The following TNS1 variants were observed in gnomAD, a reference collection of about 807,000 sequenced individuals.
TNS1 encodes the protein tensin-1.
Under a neutral mutation model 168.6 loss-of-function variants are expected in TNS1, and 62 were observed. The observed-to-expected ratio is 0.37, with a 90% CI of 0.30 to 0.45. The LOEUF is 0.45. Ranked by LOEUF, TNS1 falls within the 20% of genes least tolerant of loss-of-function variation. TNS1 has a pLI of 1.00. For missense variants in TNS1, 2,240 were observed against 2,339.4 expected (o/e 0.96, Z 0.88); for synonymous variants, 934 against 933.2 (o/e 1.00, Z -0.02).
At chr2:217,844,014 G>C (rs1946325675) in intron 19 of TNS1, among the ~76,000 whole-genome samples, 1 of 152,000 alleles carries the variant, frequency 6.6e-6, no homozygotes, top group Non-Finnish European at 1.5e-5. Flanking sequence ...TAACACCAAG[G>C]CTTCATCTTC....
upstream of TNS1, among the ~76,000 whole-genome samples, chr2:218,007,566 T>TA (rs1330361811): frequency 1.3e-5 from 1 of 74,936 alleles, no homozygotes; most frequent in Non-Finnish European, 2.7e-5. Flanking sequence ...GCTCGGGGGG[T>TA]GGGGGGGGGG....
At chr2:217,971,026 G>C (rs1177260402) in intron 3 of TNS1, among the ~76,000 whole-genome samples, 1 of 152,154 alleles carries the variant, frequency 6.6e-6, no homozygotes. Context: ...ATAGACCAAT[G>C]GTTCTCAAAT....
intron 11 of TNS1, 37 bp downstream of exon 11, chr2:217,892,911 G>T: frequency 6.2e-7 from 1 of 1,608,778 alleles, no homozygotes; most frequent in South Asian, 1.1e-5. Flanking sequence ...TCACACTGTC[G>T]ATGTTCAGAG....
At chr2:217,895,113 G>A (rs1952149200) in intron 8 of TNS1, 57 bp from the exon 9 acceptor site, 1 of 1,522,614 alleles carries the variant, frequency 6.6e-7, no homozygotes, top group Non-Finnish European at 9.0e-7. Flanking sequence ...GGGCGGCGAG[G>A]AGAGAGAGAA....
intron 18 of TNS1, chr2:217,859,553 G>T: frequency 7.9e-7 from 1 of 1,267,612 alleles, no homozygotes; most frequent in Non-Finnish European, 1.1e-6. Context: ...AGTTCTCAGT[G>T]CAAAGCTTTG....
chr2:218,002,627 C>T (rs1246040372), intron 1 of TNS1, among the ~76,000 whole-genome samples: 1 of 152,052 alleles, frequency 6.6e-6, no homozygotes, highest in African/African-American at 2.4e-5. Context: ...GACCCGGGAC[C>T]CTGGGCCTGG....
intron 2 of TNS1, among the ~76,000 whole-genome samples, chr2:217,981,437 G>T (rs533488408): frequency 3.3e-5 from 5 of 151,824 alleles, no homozygotes; most frequent in East Asian, 1.9e-4. Context: ...GCCCTCAAGT[G>T]GGGGGGCAAA....
chr2:217,831,615 CGTGAGGGCACGCTTA>C, intron 21 of TNS1, 68 bp from the exon 22 acceptor site: 1 of 1,271,662 alleles, frequency 7.9e-7, no homozygotes, highest in South Asian at 1.8e-5. Context: ...ACGCCAGGCA[CGTGAGGGCACGCTTA>C]GTGAGGGCTG....
intron 23 of TNS1, among the ~76,000 whole-genome samples, chr2:217,820,641 C>T (rs1009102528): frequency 6.6e-6 from 1 of 152,060 alleles, no homozygotes; most frequent in African/African-American, 2.4e-5. Flanking sequence ...GCAGAGTCTC[C>T]CCTCCTGGGG....
intron 19 of TNS1, among the ~76,000 whole-genome samples, chr2:217,844,254 GCTC>G (rs1049348409): frequency 3.9e-5 from 6 of 152,000 alleles, no homozygotes; most frequent in Non-Finnish European, 8.8e-5. Flanking sequence ...TATCTAATAA[GCTC>G]CTATCATCTC....
intron 3 of TNS1, among the ~76,000 whole-genome samples, chr2:217,978,310 C>T (rs181415024): frequency 1.3e-5 from 2 of 152,332 alleles, no homozygotes; most frequent in Admixed American, 1.3e-4. Flanking sequence ...CCCACCCACC[C>T]GCTTCTCCTG....
chr2:218,001,483 C>T (rs1257471946), intron 1 of TNS1, among the ~76,000 whole-genome samples: 1 of 152,078 alleles, frequency 6.6e-6, no homozygotes, highest in Non-Finnish European at 1.5e-5. Flanking sequence ...TACCTGCCAT[C>T]CTTCTTGTGT....
chr2:217,932,678 G>A (rs1956383824), intron 3 of TNS1, among the ~76,000 whole-genome samples: 1 of 152,180 alleles, frequency 6.6e-6, no homozygotes, highest in Non-Finnish European at 1.5e-5. Context: ...AATAGAGGGA[G>A]AGGAAGGAGC....
intron 12 of TNS1, among the ~76,000 whole-genome samples, chr2:217,888,997 T>G (rs1951490411): frequency 6.6e-6 from 1 of 152,198 alleles, no homozygotes; most frequent in East Asian, 1.9e-4. Flanking sequence ...AACAGCATGC[T>G]TCTCTCTTAG....
At position 217,862,025 on chromosome 2, in the gene TNS1, C is replaced by T. The variant is rs1048353789; in HGVS notation, c.1430-12938G>A. 3.9e-5 allele frequency among the ~76,000 whole-genome samples: 6 copies of T among 152,214 alleles called. No individual in the cohort carries two copies. In the East Asian group the frequency reaches 5.8e-4, roughly 15 times the overall value. On this transcript the variant is annotated intron_variant, in intron 18 of 32. Coordinates refer to ENST00000682258, the MANE Select transcript of TNS1 (RefSeq NM_001387777.1). Reference sequence around the variant, plus strand: ...TGGTGCAGACTACAAGGATGTGATGCCATTCCATTAACAAATACTGAGCCT... The same window carrying T: ...TGGTGCAGACTACAAGGATGTGATGTCATTCCATTAACAAATACTGAGCCT...
chr2:217,904,433 C>T (rs761192416), intron 6 of TNS1, among the ~76,000 whole-genome samples: 7 of 152,202 alleles, frequency 4.6e-5, no homozygotes, highest in Non-Finnish European at 1.0e-4. Context: ...CTCAATGACC[C>T]TGGAGCCAAC....
rs1406307865 is a variant in TNS1 at position 217,801,385 on chromosome 2, C to A, written c.*3074G>T. Reference sequence around the variant, plus strand: ...GACATGACCCTCCTCTGCCCTCTTCCCTCCAGACACCCAGCTGGACAGCTG... The same window carrying A: ...GACATGACCCTCCTCTGCCCTCTTCACTCCAGACACCCAGCTGGACAGCTG... On this transcript the variant is annotated 3_prime_UTR_variant, in exon 33 of 33. Coordinates refer to ENST00000682258, the MANE Select transcript of TNS1 (RefSeq NM_001387777.1). 1 of 152,312 alleles carries A rather than the reference C, an allele frequency of 6.6e-6. No individual in the cohort carries two copies. The highest frequency in any genetic ancestry group is 1.5e-5 in the Non-Finnish European group (1 of 68,122). The allele number at this position is 152,312 out of a possible 1,614,324, so 9.4% of individuals were successfully genotyped here. A position where few individuals can be genotyped will look rare whatever the true frequency, so the allele number is the denominator to read the frequency against.
In TNS1 at chr2:217,892,926, G is replaced by C. The variant is rs757221251; in HGVS notation, c.782+22C>G. On this transcript the variant is annotated intron_variant, in intron 11 of 32. Transcript: ENST00000682258. ...TCACACTGTCGATGTTCAGAGGATG[G>C]GAGGCTCCAGGCCCCTCTTACCTGG... 1.2e-6 allele frequency: 2 copies of C among 1,613,544 alleles called. 1 individual carries two copies. Among genetic ancestry groups the C allele is most frequent in the South Asian group, 2.2e-5 (2 of 91,046 alleles).
intron 19 of TNS1, among the ~76,000 whole-genome samples, chr2:217,847,057 G>A (rs2125417651): frequency 6.6e-6 from 1 of 152,342 alleles, no homozygotes; most frequent in South Asian, 2.1e-4. Context: ...TAAAGTCTGA[G>A]GACAGACAGC....
Sources: allele counts gnomAD v4.1 joint callset (sites outside exome capture counted in the v4.1 genomes callset), GRCh38; gene constraint gnomAD v4.1.1; transcripts MANE v1.5; gene names NCBI Gene and HGNC (gene_info 2026-07-23, HGNC 2026-07-21).